Variants in ROBO2 observed in about 807,000 individuals in gnomAD.
ROBO2 encodes the protein roundabout homolog 2.
Under a neutral mutation model 160.8 loss-of-function variants are expected in ROBO2, and 53 were observed. The observed-to-expected ratio is 0.33, with a 90% confidence interval of 0.26 to 0.41. The LOEUF is 0.41. Ranked by LOEUF, ROBO2 falls within the 10% of genes least tolerant of loss-of-function variation. The pLI is 1.00. For synonymous variants in ROBO2, 664 were observed against 611.7 expected (o/e 1.09, Z -1.26); for missense variants, 1,577 against 1,722.4 (o/e 0.92, Z 1.49).
chr3:77,467,573 T>A (rs540214271), intron 2 of ROBO2, among the ~76,000 whole-genome samples: 6 of 148,514 alleles, frequency 4.0e-5, no homozygotes, highest in Non-Finnish European at 8.9e-5. Flanking sequence ...GCTGGCTTTA[T>A]CATCTATCTG....
At position 76,399,463 on chromosome 3, in the gene ROBO2, C is replaced by T. The variant is rs2077686335; in HGVS notation, c.109+461861C>T. On this transcript the variant is annotated intron_variant, in intron 2 of 26. Transcript: ENST00000487694. ...AGCTCTCCAGGAATCTGAAACTATA[C>T]TATGATGTGAGAATACATGCCTGCT... 1.3e-5 allele frequency among the ~76,000 whole-genome samples: 2 copies of T among 151,766 alleles called. 1 individual carries two copies. The highest frequency in any genetic ancestry group is 4.1e-4 in the South Asian group (2 of 4,830).
At chr3:76,130,531 T>C (rs1006488749) in intron 2 of ROBO2, among the ~76,000 whole-genome samples, 1 of 152,092 alleles carries the variant, frequency 6.6e-6, no homozygotes, top group Admixed American at 6.6e-5. Context: ...CTCACACACA[T>C]ATCACTGATG....
intron 2 of ROBO2, among the ~76,000 whole-genome samples, chr3:77,169,010 C>T (rs1388837817): frequency 1.3e-5 from 2 of 152,138 alleles, no homozygotes; most frequent in African/African-American, 4.8e-5. Context: ...ACTCCATTTC[C>T]AGTGTCTAAA....
chr3:77,118,176 A>T (rs2074388831), intron 2 of ROBO2, among the ~76,000 whole-genome samples: 1 of 152,150 alleles, frequency 6.6e-6, no homozygotes, highest in Non-Finnish European at 1.5e-5. Context: ...GTTCTGTGGA[A>T]ACCTTTAGTA....
intron 2 of ROBO2, among the ~76,000 whole-genome samples, chr3:76,395,986 T>C (rs1457904909): frequency 6.6e-6 from 1 of 152,064 alleles, no homozygotes; most frequent in Non-Finnish European, 1.5e-5. Flanking sequence ...GCCAGCATCA[T>C]CCTGATACCA....
At chr3:76,958,427 C>A (rs2079432095) in intron 2 of ROBO2, among the ~76,000 whole-genome samples, 1 of 152,242 alleles carries the variant, frequency 6.6e-6, no homozygotes, top group African/African-American at 2.4e-5. Context: ...CATCAAATTG[C>A]ACTGAATGTA....
At chr3:76,192,523 ACCACAC>A (rs1228808667) in intron 2 of ROBO2, among the ~76,000 whole-genome samples, 2 of 75,718 alleles carry the variant, frequency 2.6e-5, no homozygotes, top group Non-Finnish European at 5.0e-5. Context: ...CCAACACTCC[ACCACAC>A]ACACACACAC....
chr3:76,053,753 G>A (rs2067735730), intron 2 of ROBO2, among the ~76,000 whole-genome samples: 1 of 151,984 alleles, frequency 6.6e-6, no homozygotes, highest in African/African-American at 2.4e-5. Flanking sequence ...TTTGGAGACT[G>A]ACTTCATATT....
At chr3:77,507,391 G>A (rs925070439) in intron 5 of ROBO2, among the ~76,000 whole-genome samples, 3 of 152,090 alleles carry the variant, frequency 2.0e-5, no homozygotes, top group South Asian at 2.1e-4. Flanking sequence ...CAGCAAGGTC[G>A]CCAAATAGAT....
intron 2 of ROBO2, among the ~76,000 whole-genome samples, chr3:77,099,573 A>T: frequency 6.6e-6 from 1 of 152,222 alleles, no homozygotes; most frequent in East Asian, 1.9e-4. Flanking sequence ...ATGATACTTC[A>T]AAAAGCCCTC....
At chr3:76,369,867 G>C (rs1002713765) in intron 2 of ROBO2, among the ~76,000 whole-genome samples, 6 of 151,866 alleles carry the variant, frequency 4.0e-5, no homozygotes, top group African/African-American at 1.5e-4. Flanking sequence ...CCTCTTACTT[G>C]TTTCTCTACC....
intron 2 of ROBO2, among the ~76,000 whole-genome samples, chr3:77,148,836 C>A (rs1385930389): frequency 6.6e-6 from 1 of 152,100 alleles, no homozygotes; most frequent in East Asian, 1.9e-4. Flanking sequence ...TTAAAAGGTA[C>A]AATTTCCTCA....
intron 2 of ROBO2, among the ~76,000 whole-genome samples, chr3:76,753,240 AT>A (rs2108267325): frequency 6.6e-6 from 1 of 152,034 alleles, no homozygotes; most frequent in South Asian, 2.1e-4. Flanking sequence ...TTTTGTTATT[AT>A]TCATCAATTA....
At position 76,423,416 on chromosome 3, in the gene ROBO2, G is replaced by A. The variant is rs926260372; in HGVS notation, c.109+485814G>A. ...AGACAGTTGACATTACCTGAGTAAT[G>A]GAATAGCAAGACAACACGGAAAGAG... On this transcript the variant is annotated intron_variant, in intron 2 of 26. Coordinates refer to the ROBO2 transcript ENST00000487694. Among the ~76,000 whole-genome samples the A allele has an allele frequency of 4.6e-5, 7 of 152,218 alleles. No individual in the cohort carries two copies. The South Asian group carries it at 1.4e-3, about 32-fold the overall frequency.
chr3:77,483,840 A>C (rs2085000853), intron 4 of ROBO2, among the ~76,000 whole-genome samples: 1 of 150,436 alleles, frequency 6.6e-6, no homozygotes, highest in African/African-American at 2.4e-5. Context: ...GTAAATGTCA[A>C]GAAAAACAAT....
intron 2 of ROBO2, among the ~76,000 whole-genome samples, chr3:76,595,334 T>TGATGTA (rs1208861416): frequency 5.3e-5 from 8 of 151,990 alleles, no homozygotes; most frequent in Non-Finnish European, 1.0e-4. Flanking sequence ...ATTTAGAATG[T>TGATGTA]GATGTATGCA....
intron 2 of ROBO2, among the ~76,000 whole-genome samples, chr3:77,154,545 C>T (rs983523950): frequency 2.0e-5 from 3 of 151,966 alleles, no homozygotes; most frequent in Admixed American, 6.6e-5. Context: ...GAAAACAAAT[C>T]GTCCAACCAA....
At chr3:77,426,109 C>T (rs1404883068) in intron 2 of ROBO2, among the ~76,000 whole-genome samples, 4 of 152,034 alleles carry the variant, frequency 2.6e-5, no homozygotes, top group African/African-American at 7.2e-5. Flanking sequence ...AGGAATGTCA[C>T]GTTAAAGGTC....
chr3:77,495,468 C>G (rs1047847777), intron 5 of ROBO2, among the ~76,000 whole-genome samples: 14 of 152,144 alleles, frequency 9.2e-5, no homozygotes, highest in Admixed American at 8.5e-4. Flanking sequence ...TCATTGTCCT[C>G]TTTCTACTCC....
Sources: allele counts gnomAD v4.1 joint callset (sites outside exome capture counted in the v4.1 genomes callset), GRCh38; gene constraint gnomAD v4.1.1; transcripts MANE v1.5; gene names NCBI Gene and HGNC (gene_info 2026-07-23, HGNC 2026-07-21).